Variants in CCBE1 observed in about 807,000 individuals in gnomAD.
The protein encoded by CCBE1 is collagen and calcium binding EGF domains 1, also known as collagen and calcium-binding EGF domain-containing protein 1.
A neutral mutation model predicts 50.0 loss-of-function variants in CCBE1; 37 were observed. The observed-to-expected ratio is 0.74, with a 90% CI of 0.57 to 0.97. The LOEUF is 0.97. CCBE1 is among the 50% of genes least tolerant of loss of function. The pLI is 0.00. For synonymous variants in CCBE1, 234 were observed against 203.7 expected, an observed-to-expected ratio of 1.15 and a Z score of -1.27; for missense variants, 538 against 523.8, an observed-to-expected ratio of 1.03 and a Z score of -0.26.
chr18:59,456,986 A>T (rs1447666222), intron 5 of CCBE1, among the ~76,000 whole-genome samples: 1 of 152,224 alleles, frequency 6.6e-6, no homozygotes, highest in Non-Finnish European at 1.5e-5. Context: ...GCAGGTTGAC[A>T]CAAATGATGC....
At chr18:59,541,178 T>A (rs1357502875) in intron 2 of CCBE1, among the ~76,000 whole-genome samples, 1 of 152,228 alleles carries the variant, frequency 6.6e-6, no homozygotes, top group Non-Finnish European at 1.5e-5. Context: ...CATTGTTTAG[T>A]AGGATGATGT....
chr18:59,548,752 C>T (rs1435460644), intron 2 of CCBE1, among the ~76,000 whole-genome samples: 2 of 78,564 alleles, frequency 2.5e-5, no homozygotes, highest in Non-Finnish European at 5.2e-5. Context: ...TTCAAATAGC[C>T]TACCATACAT....
At chr18:59,692,048 C>T (rs1475577779) in intron 2 of CCBE1, among the ~76,000 whole-genome samples, 1 of 152,150 alleles carries the variant, frequency 6.6e-6, no homozygotes, top group Non-Finnish European at 1.5e-5. Context: ...TTCCCCAGGG[C>T]ACTAGGTTTC....
chr18:59,521,302 T>C (rs74846503), intron 2 of CCBE1, among the ~76,000 whole-genome samples: 8,365 of 152,316 alleles, frequency 0.055, 806 homozygotes, highest in African/African-American at 0.19. Context: ...TTTCATGATT[T>C]CAACACAACT....
intron 2 of CCBE1, among the ~76,000 whole-genome samples, chr18:59,657,988 T>G (rs1467798436): frequency 6.6e-6 from 1 of 151,832 alleles, no homozygotes; most frequent in Non-Finnish European, 1.5e-5. Flanking sequence ...CACATTGGAG[T>G]AGCAGGCCAA....
intron 2 of CCBE1, among the ~76,000 whole-genome samples, chr18:59,530,019 T>A (rs920722273): frequency 1.3e-5 from 2 of 152,224 alleles, no homozygotes; most frequent in African/African-American, 4.8e-5. Context: ...AGTTAGTGGC[T>A]ATACAGTAAG....
intron 5 of CCBE1, among the ~76,000 whole-genome samples, chr18:59,464,658 G>A (rs747580857): frequency 2.6e-5 from 4 of 152,152 alleles, no homozygotes; most frequent in Admixed American, 1.3e-4. Flanking sequence ...ATTTACTTCC[G>A]ACATATGGCA....
At position 59,656,240 on chromosome 18, in the gene CCBE1, G is replaced by T. The variant is rs374191152; in HGVS notation, c.212+40389C>A. 1.4e-4 allele frequency among the ~76,000 whole-genome samples: 22 copies of T among 152,312 alleles called. No individual in the cohort carries two copies. In the East Asian group the frequency reaches 4.0e-3, roughly 28 times the overall value. On this transcript the variant is annotated intron_variant, in intron 2 of 10. Coordinates refer to ENST00000439986, the MANE Select transcript of CCBE1 (RefSeq NM_133459.4). ...TGTTAAGTTAAATAGGATGGGGTAA[G>T]ATTTCTGAGGGCACTAGAGTTGACT...
At chr18:59,697,622 C>A, upstream of CCBE1, 1 of 440,540 alleles carries the variant, frequency 2.3e-6, no homozygotes, top group Non-Finnish European at 4.1e-6. Flanking sequence ...CAAGTTGTCT[C>A]GTCGGGACGT....
chr18:59,654,603 G>C (rs2054162737), intron 2 of CCBE1, among the ~76,000 whole-genome samples: 1 of 151,916 alleles, frequency 6.6e-6, no homozygotes, highest in African/African-American at 2.4e-5. Context: ...CAGCCTGGGT[G>C]ACAGAATGAG....
At chr18:59,489,668 T>C (rs1912998657) in intron 2 of CCBE1, among the ~76,000 whole-genome samples, 1 of 152,078 alleles carries the variant, frequency 6.6e-6, no homozygotes, top group Non-Finnish European at 1.5e-5. Flanking sequence ...ATGCCTTGGC[T>C]TCCCAAAATG....
chr18:59,669,838 C>T (rs957547514), intron 2 of CCBE1, among the ~76,000 whole-genome samples: 1 of 152,214 alleles, frequency 6.6e-6, no homozygotes, highest in African/African-American at 2.4e-5. Flanking sequence ...ATCTGGCTTG[C>T]ATTTCCATGG....
Position 59,478,104 on chromosome 18 carries a change from C to T in CCBE1, c.265+2082G>A, listed in dbSNP as rs968817479. 2.6e-5 allele frequency among the ~76,000 whole-genome samples: 4 copies of T among 152,240 alleles called. No homozygotes were observed. The East Asian group carries it at 7.7e-4, about 29-fold the overall frequency. On this transcript the variant is annotated intron_variant, in intron 3 of 10. Transcript: ENST00000439986. ...CCTGACCTCCCCTCCCACACCCCAC[C>T]AATCTAAGGGGGACTTCTGGCCAGC...
chr18:59,652,895 C>T (rs1478459545), intron 2 of CCBE1, among the ~76,000 whole-genome samples: 1 of 151,272 alleles, frequency 6.6e-6, no homozygotes, highest in East Asian at 1.9e-4. Context: ...ACCTGGGAGG[C>T]GGAGCTTGCA....
rs556691149 is a variant in CCBE1, at chr18:59,613,375, T to C, written c.212+83254A>G. On this transcript the variant is annotated intron_variant, in intron 2 of 10. Transcript: ENST00000439986. ...AAGATTCAAGAGTTGTTTTGTCTTA[T>C]TGATTTTAAAAATTAGTATTCGATG... 3.9e-5 allele frequency among the ~76,000 whole-genome samples: 6 copies of C among 152,342 alleles called. No homozygotes were observed. The East Asian group carries it at 1.2e-3, about 29-fold the overall frequency.
chr18:59,557,793 C>G (rs1210786491), intron 2 of CCBE1, among the ~76,000 whole-genome samples: 1 of 152,146 alleles, frequency 6.6e-6, no homozygotes, highest in African/African-American at 2.4e-5. Flanking sequence ...TTCAATAAAT[C>G]TATGCTTTCG....
chr18:59,608,132 TAATA>T (rs1368941936), intron 2 of CCBE1, among the ~76,000 whole-genome samples: 1 of 152,080 alleles, frequency 6.6e-6, no homozygotes, highest in Non-Finnish European at 1.5e-5. Context: ...AAAATAATAA[TAATA>T]AATAAATACA....
intron 2 of CCBE1, among the ~76,000 whole-genome samples, chr18:59,484,443 A>T (rs928785989): frequency 1.3e-5 from 2 of 152,286 alleles, no homozygotes; most frequent in African/African-American, 2.4e-5. Context: ...ATGCAAATCA[A>T]TATGATCCCT....
At chr18:59,460,996 C>A (rs58193263) in intron 5 of CCBE1, among the ~76,000 whole-genome samples, 19,644 of 150,290 alleles carry the variant, frequency 0.13, 1,531 homozygotes, top group African/African-American at 0.21. Context: ...AAAATGAGGT[C>A]TTCACATGGA....
Sources: gnomAD v4.1 joint callset for allele counts (sites outside exome capture counted in the v4.1 genomes callset) on GRCh38, gnomAD v4.1.1 for gene constraint, MANE v1.5 for transcripts, NCBI Gene and HGNC (gene_info 2026-07-23, HGNC 2026-07-21) for gene names.